Variants in SLC35F3 observed in about 807,000 individuals in gnomAD.
The protein encoded by SLC35F3 is putative thiamine transporter SLC35F3.
A neutral mutation model predicts 49.9 loss-of-function variants in SLC35F3; 25 were observed. The ratio of observed to expected loss-of-function variants is 0.50; its 90% CI spans 0.37 to 0.70. The LOEUF (loss-of-function observed/expected upper bound fraction) is 0.70, where lower values mean the gene tolerates loss of function less well. Ranked by LOEUF, SLC35F3 falls within the 30% of genes least tolerant of loss-of-function variation. The probability of loss-of-function intolerance (pLI) is 0.00; values close to 1 mark genes in which losing one functional copy is unlikely to be tolerated. For synonymous variants in SLC35F3, 275 were observed against 265.4 expected (o/e 1.04, Z -0.35); for missense variants, 525 against 639.8 (o/e 0.82, Z 1.94).
At chr1:234,178,295 C>G (rs1239001552) in intron 2 of SLC35F3, among the ~76,000 whole-genome samples, 1 of 152,068 alleles carries the variant, frequency 6.6e-6, no homozygotes, top group Non-Finnish European at 1.5e-5. Context: ...TGCCACCGAA[C>G]TCATCCCTCC....
At chr1:233,971,454 G>A (rs568437620) in intron 2 of SLC35F3, among the ~76,000 whole-genome samples, 20 of 152,346 alleles carry the variant, frequency 1.3e-4, no homozygotes, top group Middle Eastern at 6.8e-3. Flanking sequence ...GGTGGCTCAC[G>A]CACAGGCGTG....
chr1:233,990,074 G>C (rs948107222), intron 2 of SLC35F3, among the ~76,000 whole-genome samples: 2 of 151,992 alleles, frequency 1.3e-5, no homozygotes, highest in Admixed American at 6.6e-5. Flanking sequence ...ATAATGATGT[G>C]TTATTCATAA....
intron 2 of SLC35F3, among the ~76,000 whole-genome samples, chr1:234,215,558 A>G (rs1667109362): frequency 6.6e-6 from 1 of 152,336 alleles, no homozygotes; most frequent in African/African-American, 2.4e-5. Context: ...AACAGAGCCC[A>G]TGAGCATCAG....
intron 3 of SLC35F3, among the ~76,000 whole-genome samples, chr1:234,292,008 T>A (rs1247131492): frequency 6.6e-6 from 1 of 152,108 alleles, no homozygotes; most frequent in Non-Finnish European, 1.5e-5. Flanking sequence ...AAACCATAGC[T>A]CACCACGCCT....
chr1:233,948,395 T>C (rs555943357), intron 2 of SLC35F3, among the ~76,000 whole-genome samples: 18 of 152,186 alleles, frequency 1.2e-4, no homozygotes, highest in African/African-American at 3.1e-4. Context: ...GGGATTTCCA[T>C]GTCAATCTCA....
intron 2 of SLC35F3, among the ~76,000 whole-genome samples, chr1:233,959,570 C>G (rs1214584724): frequency 3.3e-5 from 5 of 152,044 alleles, no homozygotes; most frequent in Admixed American, 3.3e-4. Flanking sequence ...GTGGTTTGAT[C>G]CTTGTGAGTA....
At chr1:234,119,032 A>G (rs1665534918) in intron 2 of SLC35F3, among the ~76,000 whole-genome samples, 1 of 152,074 alleles carries the variant, frequency 6.6e-6, no homozygotes. Flanking sequence ...GCTGGCAGGA[A>G]CCCATCACAC....
chr1:234,297,466 G>A (rs1668621402), intron 3 of SLC35F3, among the ~76,000 whole-genome samples: 1 of 152,190 alleles, frequency 6.6e-6, no homozygotes, highest in African/African-American at 2.4e-5. Flanking sequence ...TACAAAAGAA[G>A]GAAATCCTGC....
chr1:234,240,605 A>G (rs1223960985), intron 3 of SLC35F3, among the ~76,000 whole-genome samples: 1 of 148,988 alleles, frequency 6.7e-6, no homozygotes, highest in African/African-American at 2.5e-5. Flanking sequence ...ACCCTCTCTG[A>G]AAAAAAAAAA....
intron 2 of SLC35F3, among the ~76,000 whole-genome samples, chr1:233,914,155 A>T (rs1251625047): frequency 6.6e-6 from 1 of 151,734 alleles, no homozygotes; most frequent in African/African-American, 2.4e-5. Flanking sequence ...AGATTAGACC[A>T]GGGGTAGACT....
chr1:234,165,776 G>C (rs1382099009), intron 2 of SLC35F3, among the ~76,000 whole-genome samples: 3 of 152,108 alleles, frequency 2.0e-5, no homozygotes, highest in East Asian at 3.8e-4. Flanking sequence ...ATTTGTGGTG[G>C]TGAAGTCTGG....
intron 3 of SLC35F3, among the ~76,000 whole-genome samples, chr1:234,291,423 C>G (rs766379392): frequency 6.6e-5 from 10 of 152,138 alleles, no homozygotes; most frequent in African/African-American, 2.2e-4. Context: ...AGAGGAGGAA[C>G]AGTTCCCCAG....
intron 3 of SLC35F3, among the ~76,000 whole-genome samples, chr1:234,259,042 T>C (rs1434093970): frequency 1.3e-5 from 2 of 152,182 alleles, no homozygotes; most frequent in Non-Finnish European, 2.9e-5. Context: ...AAACCACTTC[T>C]TATGAAGAAT....
chr1:233,909,019 C>T (rs1212100281), intron 2 of SLC35F3, among the ~76,000 whole-genome samples: 2 of 148,984 alleles, frequency 1.3e-5, no homozygotes, highest in African/African-American at 5.0e-5. Flanking sequence ...CCACCATGCC[C>T]GGCTAATTTT....
intron 2 of SLC35F3, among the ~76,000 whole-genome samples, chr1:233,972,186 A>G (rs1021890595): frequency 2.0e-5 from 3 of 152,238 alleles, no homozygotes; most frequent in Admixed American, 6.5e-5. Context: ...GTTTAAGCCC[A>G]TGAGCTTTGG....
At chr1:233,974,541 T>C (rs1043146798) in intron 2 of SLC35F3, among the ~76,000 whole-genome samples, 8 of 152,162 alleles carry the variant, frequency 5.3e-5, no homozygotes, top group African/African-American at 1.7e-4. Context: ...ATTGTGTTCT[T>C]CCTCCTTGAG....
chr1:234,250,279 A>G (rs1412544602), intron 3 of SLC35F3, among the ~76,000 whole-genome samples: 2 of 152,256 alleles, frequency 1.3e-5, no homozygotes, highest in Non-Finnish European at 2.9e-5. Context: ...AGGAGGCTAA[A>G]TGGAGTGGGG....
chr1:234,231,454 G>A lies in SLC35F3; in HGVS notation c.321G>A (p.Glu107=). The A allele has an allele frequency of 6.2e-7, 1 of 1,608,230 alleles. No individual in the cohort carries two copies. Among genetic ancestry groups the A allele is most frequent in the Non-Finnish European group, 8.5e-7 (1 of 1,177,050 alleles). Residue 107 remains glutamate (E), a synonymous_variant, in exon 3 of 8, where the codon GAG becomes GAA. Coordinates refer to ENST00000366618, the MANE Select transcript of SLC35F3 (RefSeq NM_173508.4). The surrounding 1 kb of genome is among the most constrained non-coding windows in gnomAD (Gnocchi z 5.4). ...ERPRDSPGPA[E]AQAPAGVEAG... ...CCCGGGACTCCCCGGGCCCGGCGGAGGCCCAGGCACCGGCCGGGGTGGAGG... is the reference window on the plus strand; with the variant it reads ...CCCGGGACTCCCCGGGCCCGGCGGAAGCCCAGGCACCGGCCGGGGTGGAGG...
At position 234,214,346 on chromosome 1, in the gene SLC35F3, G is replaced by A. The variant is rs1667088085; in HGVS notation, c.284-17071G>A. On this transcript the variant is annotated intron_variant, in intron 2 of 7. Coordinates refer to ENST00000366618, the MANE Select transcript of SLC35F3 (RefSeq NM_173508.4). This position sits in a 1 kb window ranked among gnomAD's most constrained non-coding sequence, Gnocchi z 8.0. ...CAACGCGGCAACCGGAGCCCGGCGGGCAGCCGGGGAGGCCGGGACTGAGAG... is the reference window on the plus strand; with the variant it reads ...CAACGCGGCAACCGGAGCCCGGCGGACAGCCGGGGAGGCCGGGACTGAGAG... 7.6e-7 allele frequency: 1 copy of A among 1,313,898 alleles called. No individual in the cohort carries two copies. The highest frequency in any genetic ancestry group is 9.7e-7 in the Non-Finnish European group (1 of 1,033,352). 81.4% of individuals were successfully genotyped at this position (1,313,898 alleles called of 1,614,324 possible).
Sources: gnomAD v4.1 joint callset for allele counts (sites outside exome capture counted in the v4.1 genomes callset) on GRCh38, gnomAD v4.1.1 for gene constraint, Gnocchi (gnomAD v3.1) non-coding constraint, MANE v1.5 for transcripts, NCBI Gene and HGNC (gene_info 2026-07-23, HGNC 2026-07-21) for gene names.